The following EPM2A variants were observed in gnomAD, a reference collection of about 807,000 sequenced individuals.
EPM2A encodes laforin.
EPM2A carries 21 observed loss-of-function variants against 26.5 expected under a neutral mutation model. The observed-to-expected ratio is 0.79, with a 90% CI of 0.56 to 1.14. EPM2A has a LOEUF of 1.14. Among genes scored for constraint, EPM2A ranks in the 50% most tolerant of loss-of-function variants. The pLI is 0.00. For synonymous variants in EPM2A, 217 were observed against 177.6 expected (o/e 1.22, Z -1.76); for missense variants, 458 against 440.8 (o/e 1.04, Z -0.35).
At chr6:145,545,124 T>A (rs1480107307) in intron 2 of EPM2A, among the ~76,000 whole-genome samples, 1 of 152,182 alleles carries the variant, frequency 6.6e-6, no homozygotes, top group East Asian at 1.9e-4. Flanking sequence ...CATAATCCAG[T>A]CCACCATTAT....
intron 4 of EPM2A, among the ~76,000 whole-genome samples, chr6:145,448,388 A>G (rs574275138): frequency 6.6e-6 from 1 of 152,202 alleles, no homozygotes; most frequent in South Asian, 2.1e-4. Flanking sequence ...AATTTAGGGA[A>G]CCATTGCTTT....
At chr6:145,685,094 A>T (rs1318431708) in intron 2 of EPM2A, among the ~76,000 whole-genome samples, 1 of 152,214 alleles carries the variant, frequency 6.6e-6, no homozygotes, top group Admixed American at 6.5e-5. Flanking sequence ...TCTACAATAA[A>T]TAACACTTAC....
chr6:145,419,846 A>C (rs1270830789), intron 4 of EPM2A, among the ~76,000 whole-genome samples: 1 of 152,200 alleles, frequency 6.6e-6, no homozygotes, highest in Non-Finnish European at 1.5e-5. Context: ...AATATGAATG[A>C]TACAAATAAT....
intron 3 of EPM2A, among the ~76,000 whole-genome samples, chr6:145,634,897 A>C (rs1004096190): frequency 2.0e-5 from 3 of 152,132 alleles, no homozygotes; most frequent in African/African-American, 7.2e-5. Flanking sequence ...TTAAACTTCT[A>C]TTTTTAGTCA....
At chr6:145,637,231 TA>T (rs761534752) in intron 2 of EPM2A, 29 of 152,340 alleles carry the variant, frequency 1.9e-4, no homozygotes, top group East Asian at 1.9e-4. Context: ...TTGTTTCCTA[TA>T]TTCTTCATTT....
chr6:145,520,666 C>A (rs1780190849), intron 2 of EPM2A, among the ~76,000 whole-genome samples: 1 of 152,052 alleles, frequency 6.6e-6, no homozygotes, highest in African/African-American at 2.4e-5. Flanking sequence ...TAAAAATAAG[C>A]CACAAAGATC....
chr6:145,414,277 C>A (rs1247001002), intron 4 of EPM2A, among the ~76,000 whole-genome samples: 2 of 152,006 alleles, frequency 1.3e-5, no homozygotes, highest in Non-Finnish European at 2.9e-5. Context: ...TGATACCAGT[C>A]TCTCTACTTC....
chr6:145,507,478 GCAC>G (rs1464829860), intron 2 of EPM2A, among the ~76,000 whole-genome samples: 1 of 152,134 alleles, frequency 6.6e-6, no homozygotes, highest in East Asian at 1.9e-4. Context: ...CCAAGGGAGG[GCAC>G]CCTGTTTCTC....
intron 2 of EPM2A, among the ~76,000 whole-genome samples, chr6:145,575,758 A>T (rs546327062): frequency 4.6e-5 from 7 of 152,226 alleles, no homozygotes; most frequent in Non-Finnish European, 1.0e-4. Flanking sequence ...AGTGTTCTCC[A>T]TACTATCAGA....
intron 1 of EPM2A, among the ~76,000 whole-genome samples, chr6:145,709,596 C>T (rs556099950): frequency 2.6e-5 from 4 of 152,268 alleles, no homozygotes; most frequent in African/African-American, 9.6e-5. Flanking sequence ...TTATAAATTA[C>T]CCAGTCTCGA....
chr6:145,473,741 C>T (rs1430692364), intron 4 of EPM2A, among the ~76,000 whole-genome samples: 1 of 152,006 alleles, frequency 6.6e-6, no homozygotes, highest in Non-Finnish European at 1.5e-5. Context: ...CCTTACAGGC[C>T]AGAAGAGAGT....
intron 2 of EPM2A, among the ~76,000 whole-genome samples, chr6:145,570,698 C>A (rs968842897): frequency 5.3e-5 from 8 of 152,142 alleles, no homozygotes; most frequent in African/African-American, 1.9e-4. Context: ...GTGGAGTGAC[C>A]CAAACCTTCA....
At chr6:145,519,215 A>C (rs1780171459) in intron 2 of EPM2A, among the ~76,000 whole-genome samples, 1 of 152,212 alleles carries the variant, frequency 6.6e-6, no homozygotes, top group Non-Finnish European at 1.5e-5. Flanking sequence ...TTGATTAGGA[A>C]AAAAAGCTCT....
chr6:145,451,376 G>A lies in EPM2A; in HGVS notation c.555+51146C>T, dbSNP rs1015640852. 1.2e-4 allele frequency among the ~76,000 whole-genome samples: 18 copies of A among 151,682 alleles called. 1 individual carries two copies. The highest frequency in any genetic ancestry group is 3.6e-4 in the African/African-American group (15 of 41,404). On this transcript the variant is annotated intron_variant, in intron 4 of 4. Coordinates refer to the EPM2A transcript ENST00000638717. The stretch of plus-strand genomic sequence containing the variant: ...GTAAAAAAATCCATTGTAGGTACAA[G>A]ATAAAACAATGGATTTTACTGCAAC...
intron 4 of EPM2A, among the ~76,000 whole-genome samples, chr6:145,421,391 T>G (rs1164752562): frequency 6.6e-6 from 1 of 152,120 alleles, no homozygotes; most frequent in Non-Finnish European, 1.5e-5. Context: ...TGAAGGGAGT[T>G]TCCTACCATT....
At chr6:145,621,419 C>T (rs1230290048), downstream of EPM2A, among the ~76,000 whole-genome samples, 7 of 152,154 alleles carry the variant, frequency 4.6e-5, no homozygotes, top group Non-Finnish European at 1.0e-4. Flanking sequence ...GAAATTTCTT[C>T]AAGATACTGA....
chr6:145,532,133 C>T (rs769224469), intron 2 of EPM2A, among the ~76,000 whole-genome samples: 150 of 152,266 alleles, frequency 9.9e-4, no homozygotes, highest in Middle Eastern at 6.8e-3. Context: ...GATGCAAACC[C>T]GGAATAAGAA....
chr6:145,547,489 C>T (rs2114800565), intron 2 of EPM2A, among the ~76,000 whole-genome samples: 1 of 152,200 alleles, frequency 6.6e-6, no homozygotes, highest in Non-Finnish European at 1.5e-5. Flanking sequence ...CATAATGAAA[C>T]TTTTATGGGT....
chr6:145,623,216 T>C (rs1302987546), downstream of EPM2A, among the ~76,000 whole-genome samples: 1 of 152,244 alleles, frequency 6.6e-6, no homozygotes, highest in Non-Finnish European at 1.5e-5. Context: ...GAAGCTTACA[T>C]TGCAGTGACA....
Sources: allele counts gnomAD v4.1 joint callset (sites outside exome capture counted in the v4.1 genomes callset), GRCh38; gene constraint gnomAD v4.1.1; transcripts MANE v1.5; gene names NCBI Gene and HGNC (gene_info 2026-07-23, HGNC 2026-07-21).